The following NRP2 variants were observed in gnomAD, a reference collection of about 807,000 sequenced individuals.
The protein encoded by NRP2 is neuropilin-2.
A neutral mutation model predicts 110.4 loss-of-function variants in NRP2; 52 were observed. The observed-to-expected ratio is 0.47, with a 90% CI of 0.38 to 0.59. The LOEUF (loss-of-function observed/expected upper bound fraction) is 0.59, where lower values mean the gene tolerates loss of function less well. NRP2 is among the 20% of genes least tolerant of loss of function. NRP2 has a pLI of 0.00. For synonymous variants in NRP2, 508 were observed against 468.9 expected (o/e 1.08, Z -1.08); for missense variants, 1,049 against 1,203.0 (o/e 0.87, Z 1.89).
In NRP2 at chr2:205,771,284, T is replaced by C. The variant is rs2058019732; in HGVS notation, c.2425+4481T>C. Among the ~76,000 whole-genome samples the C allele has an allele frequency of 2.0e-5, 3 of 152,182 alleles. No homozygotes were observed. In the South Asian group the frequency reaches 6.2e-4, roughly 32 times the overall value. Reference sequence around the variant, plus strand: ...TTTCTCAGGGATGCCTTTGTGCTTGTGCGTCTTTTTTCCAAACACATCAGA... The same window carrying C: ...TTTCTCAGGGATGCCTTTGTGCTTGCGCGTCTTTTTTCCAAACACATCAGA... On this transcript the variant is annotated intron_variant, in intron 15 of 16. Transcript: ENST00000357785.
At chr2:205,775,561 TA>T (rs1370292243) in intron 15 of NRP2, among the ~76,000 whole-genome samples, 1 of 152,140 alleles carries the variant, frequency 6.6e-6, no homozygotes, top group Non-Finnish European at 1.5e-5. Flanking sequence ...TCCATCCAAT[TA>T]AAAAATGAGG....
At chr2:205,768,947 C>T (rs1431853086) in intron 15 of NRP2, among the ~76,000 whole-genome samples, 1 of 152,180 alleles carries the variant, frequency 6.6e-6, no homozygotes, top group African/African-American at 2.4e-5. Context: ...CCAGATGAAC[C>T]TAGTGCCATG....
chr2:205,716,359 G>C lies in NRP2; in HGVS notation c.418G>C (p.Glu140Gln), dbSNP rs150835990. 28 of 1,613,866 alleles carry C rather than the reference G, an allele frequency of 1.7e-5. No individual in the cohort carries two copies. The highest frequency in any genetic ancestry group is 2.7e-5 in the African/African-American group (2 of 74,874). The change falls in exon 3 of 17, where the codon GAG becomes CAG. Residue 140 changes from glutamate to glutamine, a missense_variant. By Grantham distance (29) the Glu-to-Gln change is conservative. Transcript: ENST00000357785. ...GGGGGCAGGCTTCTCTCTGCGCTAC[G>C]AGATCTTCAAGACAGGTCAGTGTGG... ...RQGAGFSLRY[E>Q]IFKTGSEDCS...
chr2:205,743,796 T>C, intron 9 of NRP2: 1 of 721,738 alleles, frequency 1.4e-6, no homozygotes, highest in South Asian at 2.0e-5. Flanking sequence ...CAGGCTGGAG[T>C]GCAGTGGCCT....
chr2:205,787,188 C>T (rs2058244769), intron 15 of NRP2, among the ~76,000 whole-genome samples: 1 of 152,132 alleles, frequency 6.6e-6, no homozygotes. Flanking sequence ...AAGGCTCTGA[C>T]ACCTGAGGCA....
At chr2:205,756,646 G>A (rs192093780) in intron 12 of NRP2, 3 of 152,290 alleles carry the variant, frequency 2.0e-5, no homozygotes, top group Admixed American at 2.0e-4. Flanking sequence ...GAATGTATTG[G>A]ACAACACTGC....
In NRP2 at chr2:205,775,261, G is replaced by C. The variant is rs2105944495; in HGVS notation, c.2425+8458G>C. Among the ~76,000 whole-genome samples the C allele has an allele frequency of 1.3e-5, 2 of 152,308 alleles. 1 individual carries two copies. The highest frequency in any genetic ancestry group is 3.9e-4 in the East Asian group (2 of 5,188). On this transcript the variant is annotated intron_variant, in intron 15 of 16. Transcript: ENST00000357785. ...TGATGTAAATCTTTGGGAGAATCAA[G>C]TTGTAACACTGCTTTGCATCAAGTG...
chr2:205,755,624 G>C (rs2057720903), intron 12 of NRP2, among the ~76,000 whole-genome samples: 1 of 151,410 alleles, frequency 6.6e-6, no homozygotes, highest in African/African-American at 2.4e-5. Context: ...AAAAAAAAAG[G>C]AGGGGGAGGC....
chr2:205,783,708 T>C (rs1404744582), intron 15 of NRP2, among the ~76,000 whole-genome samples: 1 of 152,188 alleles, frequency 6.6e-6, no homozygotes, highest in Non-Finnish European at 1.5e-5. Flanking sequence ...CAGGGGCCAG[T>C]AGCAAGGAAT....
At chr2:205,788,828 G>T (rs1241416508) in intron 15 of NRP2, among the ~76,000 whole-genome samples, 1 of 152,172 alleles carries the variant, frequency 6.6e-6, no homozygotes, top group Non-Finnish European at 1.5e-5. Flanking sequence ...GTAGACACCT[G>T]GTCCCTTACA....
At chr2:205,765,061 AC>A (rs1416179208) in intron 13 of NRP2, among the ~76,000 whole-genome samples, 1 of 152,000 alleles carries the variant, frequency 6.6e-6, no homozygotes, top group African/African-American at 2.4e-5. Context: ...TTCTCACATT[AC>A]CCCCACCTAC....
chr2:205,737,084 T>C (rs1446890145), intron 7 of NRP2, among the ~76,000 whole-genome samples: 6 of 152,212 alleles, frequency 3.9e-5, no homozygotes, highest in African/African-American at 1.4e-4. Context: ...CAAAAGACAA[T>C]ATGTAAGGAC....
intron 7 of NRP2, among the ~76,000 whole-genome samples, chr2:205,736,793 C>T (rs2057350974): frequency 6.6e-6 from 1 of 152,184 alleles, no homozygotes; most frequent in Non-Finnish European, 1.5e-5. Flanking sequence ...GCGTCATTTC[C>T]CATGCACACA....
chr2:205,763,645 G>A lies in NRP2; in HGVS notation c.2045-29G>A, dbSNP rs1249491880. ...GGTGTCTTTCCCGAGTGTTTATGGA[G>A]AACCTCTGTTTGGGTTTGTTTCTGC... is the stretch of plus-strand genomic sequence containing the variant. On this transcript the variant is annotated intron_variant, in intron 12 of 16. Transcript: ENST00000357785. This position sits in a 1 kb window ranked among gnomAD's most constrained non-coding sequence, Gnocchi z 4.0. 1 of 1,613,866 alleles carries A rather than the reference G, an allele frequency of 6.2e-7. No homozygotes were observed. Among genetic ancestry groups the A allele is most frequent in the Non-Finnish European group, 8.5e-7 (1 of 1,180,008 alleles).
At chr2:205,769,774 T>A (rs1393970288) in intron 15 of NRP2, among the ~76,000 whole-genome samples, 1 of 152,214 alleles carries the variant, frequency 6.6e-6, no homozygotes, top group South Asian at 2.1e-4. Flanking sequence ...GGTGCCGTCA[T>A]GTATCTTTTT....
intron 9 of NRP2, among the ~76,000 whole-genome samples, chr2:205,744,550 C>T: frequency 6.6e-6 from 1 of 152,186 alleles, no homozygotes; most frequent in East Asian, 1.9e-4. Flanking sequence ...CACAAGGAGC[C>T]CCAGAAGGGG....
intron 14 of NRP2, 60 bp from the exon 15 acceptor site, chr2:205,766,723 A>C: frequency 7.0e-7 from 1 of 1,423,854 alleles, no homozygotes; most frequent in Non-Finnish European, 9.9e-7. Flanking sequence ...TATTCACTCT[A>C]TGTTCACCCA....
At chr2:205,744,202 A>G (rs1461759427) in intron 9 of NRP2, among the ~76,000 whole-genome samples, 2 of 152,162 alleles carry the variant, frequency 1.3e-5, no homozygotes, top group Admixed American at 6.5e-5. Context: ...TCCAAAGTCC[A>G]GATGCCTAAC....
chr2:205,683,499 C>A, intron 1 of NRP2, 136 bp downstream of exon 1: 1 of 706,668 alleles, frequency 1.4e-6, no homozygotes, highest in East Asian at 2.7e-5. Flanking sequence ...GAGATCCCAG[C>A]CGGCCCTTCC....
Sources: allele counts gnomAD v4.1 joint callset (sites outside exome capture counted in the v4.1 genomes callset), GRCh38; gene constraint gnomAD v4.1.1; non-coding constraint Gnocchi (gnomAD v3.1); transcripts MANE v1.5; gene names NCBI Gene and HGNC (gene_info 2026-07-23, HGNC 2026-07-21).